Variants in TAOK3 observed in about 807,000 individuals in gnomAD.
TAOK3 encodes TAO kinase 3.
Under a neutral mutation model 120.4 loss-of-function variants are expected in TAOK3, and 40 were observed. The observed-to-expected ratio is 0.33, with a 90% CI of 0.26 to 0.43. TAOK3 has a LOEUF of 0.43. Among genes scored for constraint, TAOK3 ranks in the 20% least tolerant of loss-of-function variants. TAOK3 has a pLI of 1.00. For synonymous variants in TAOK3, 355 were observed against 387.5 expected (o/e 0.92, Z 0.99); for missense variants, 821 against 1,112.1 (o/e 0.74, Z 3.72).
chr12:118,221,758 C>G (rs1201427106), intron 9 of TAOK3, among the ~76,000 whole-genome samples: 1 of 151,364 alleles, frequency 6.6e-6, no homozygotes, highest in Non-Finnish European at 1.5e-5. Flanking sequence ...CCTCAGTCTC[C>G]CGAGTAGCTG....
In TAOK3 at chr12:118,186,411, C is replaced by T. The variant is rs150696689; in HGVS notation, c.1329+3396G>A. On this transcript the variant is annotated intron_variant, in intron 14 of 20. Transcript: ENST00000392533. Reference sequence around the variant, plus strand: ...TCTCTATCACAGAAACGGCCAAGAGCCCCAGACACTACAAAGTTTTCAGAA... The same window carrying T: ...TCTCTATCACAGAAACGGCCAAGAGTCCCAGACACTACAAAGTTTTCAGAA... 6.2e-3 allele frequency among the ~76,000 whole-genome samples: 945 copies of T among 152,194 alleles called. 15 individuals are homozygous for T. Among genetic ancestry groups the T allele is most frequent in the African/African-American group, 0.022 (908 of 41,514 alleles).
chr12:118,190,655 C>A (rs1487853848), intron 13 of TAOK3: 1 of 152,146 alleles, frequency 6.6e-6, no homozygotes, highest in East Asian at 1.9e-4. Context: ...GGTATGGTCA[C>A]CAGAGTGAGT....
chr12:118,254,412 A>G (rs2040889654), intron 3 of TAOK3, among the ~76,000 whole-genome samples: 1 of 152,180 alleles, frequency 6.6e-6, no homozygotes, highest in African/African-American at 2.4e-5. Context: ...TGAACAAGAT[A>G]GACATAAACC....
chr12:118,210,644 A>G (rs2038573904), intron 11 of TAOK3, among the ~76,000 whole-genome samples: 1 of 152,116 alleles, frequency 6.6e-6, no homozygotes, highest in African/African-American at 2.4e-5. Context: ...CTAAAATAGC[A>G]GCACCTGTCA....
At chr12:118,259,270 C>A (rs1459935136) in intron 2 of TAOK3, among the ~76,000 whole-genome samples, 4 of 152,120 alleles carry the variant, frequency 2.6e-5, no homozygotes, top group African/African-American at 9.7e-5. Flanking sequence ...ACAAGGCCAG[C>A]CACGGTGACT....
chr12:118,182,069 T>TC (rs1419784844), intron 14 of TAOK3, among the ~76,000 whole-genome samples: 1 of 151,860 alleles, frequency 6.6e-6, no homozygotes, highest in East Asian at 1.9e-4. Flanking sequence ...CCTGTAATCC[T>TC]AGTTACTTGG....
intron 1 of TAOK3, among the ~76,000 whole-genome samples, chr12:118,353,923 C>T (rs543879279): frequency 3.3e-5 from 5 of 151,980 alleles, no homozygotes; most frequent in Non-Finnish European, 5.9e-5. Flanking sequence ...GAATTGACTG[C>T]GGGTGTCCCC....
intron 8 of TAOK3, 151 bp downstream of exon 8, chr12:118,235,407 T>C (rs1470225878): frequency 3.5e-6 from 2 of 572,090 alleles, no homozygotes; most frequent in Non-Finnish European, 6.3e-6. Flanking sequence ...TGTTTCTTTT[T>C]ATGCCAGTGG....
intron 11 of TAOK3, among the ~76,000 whole-genome samples, chr12:118,202,251 T>C (rs2038061892): frequency 6.6e-6 from 1 of 151,608 alleles, no homozygotes; most frequent in African/African-American, 2.4e-5. Flanking sequence ...ATAATTTCTT[T>C]TATCCTTTCA....
chr12:118,220,914 T>C (rs1372168058), intron 9 of TAOK3, among the ~76,000 whole-genome samples: 1 of 152,250 alleles, frequency 6.6e-6, no homozygotes, highest in African/African-American at 2.4e-5. Flanking sequence ...AAGTCTTTGC[T>C]AGATGTAATA....
chr12:118,217,273 A>G (rs1040554527), intron 9 of TAOK3, among the ~76,000 whole-genome samples: 17 of 152,220 alleles, frequency 1.1e-4, no homozygotes, highest in Admixed American at 1.0e-3. Flanking sequence ...CAAGGTTGAA[A>G]AGTAGTAAAC....
intron 17 of TAOK3, among the ~76,000 whole-genome samples, chr12:118,163,678 A>C (rs1385248922): frequency 6.6e-6 from 1 of 151,730 alleles, no homozygotes; most frequent in Non-Finnish European, 1.5e-5. Context: ...TAAAGATTTT[A>C]TGCTATAAGA....
chr12:118,347,791 T>G (rs2044935462), intron 1 of TAOK3, among the ~76,000 whole-genome samples: 1 of 152,188 alleles, frequency 6.6e-6, no homozygotes, highest in Non-Finnish European at 1.5e-5. Flanking sequence ...TCAATAAATC[T>G]CTCACAAGCT....
chr12:118,293,985 A>T (rs2042581958), intron 1 of TAOK3, among the ~76,000 whole-genome samples: 1 of 152,140 alleles, frequency 6.6e-6, no homozygotes, highest in Non-Finnish European at 1.5e-5. Flanking sequence ...ATTGCACTCC[A>T]GCCTAGGCAA....
At chr12:118,281,522 T>G (rs1204724301) in intron 1 of TAOK3, among the ~76,000 whole-genome samples, 1 of 152,178 alleles carries the variant, frequency 6.6e-6, no homozygotes, top group African/African-American at 2.4e-5. Flanking sequence ...TGGTGGCTCA[T>G]GCCTCTAATC....
chr12:118,355,934 A>G (rs1042512432), intron 1 of TAOK3, among the ~76,000 whole-genome samples: 1 of 152,226 alleles, frequency 6.6e-6, no homozygotes, highest in East Asian at 1.9e-4. Context: ...CAAAGCTAGT[A>G]GGTGGCAGAC....
At chr12:118,291,798 A>C (rs931271725) in intron 1 of TAOK3, among the ~76,000 whole-genome samples, 1 of 152,108 alleles carries the variant, frequency 6.6e-6, no homozygotes, top group Non-Finnish European at 1.5e-5. Flanking sequence ...AATAAAATGT[A>C]TACTACATAT....
In TAOK3 at chr12:118,214,195, C is replaced by T. The variant is rs549996124; in HGVS notation, c.644-85G>A. On this transcript the variant is annotated intron_variant, in intron 9 of 20. Transcript: ENST00000392533. ...ATAAGAAACTATGAGCAAAGCTTTG[C>T]GGCTAAATCAATAGCTCATTACTGT... 161 of 1,048,842 alleles carry T rather than the reference C, an allele frequency of 1.5e-4. 2 individuals are homozygous for T. Among genetic ancestry groups the T allele is most frequent in the South Asian group, 1.4e-3 (101 of 70,430 alleles). The allele number at this position is 1,048,842 out of a possible 1,614,324, so 65.0% of individuals were successfully genotyped here.
chr12:118,328,038 C>T (rs1013393725), intron 1 of TAOK3, among the ~76,000 whole-genome samples: 7 of 151,602 alleles, frequency 4.6e-5, no homozygotes, highest in Non-Finnish European at 7.4e-5. Flanking sequence ...TCCCCTTTCA[C>T]GAGTTTATTC....
Sources: allele counts gnomAD v4.1 joint callset (sites outside exome capture counted in the v4.1 genomes callset), GRCh38; gene constraint gnomAD v4.1.1; transcripts MANE v1.5; gene names NCBI Gene and HGNC (gene_info 2026-07-23, HGNC 2026-07-21).